Variants in KCNH1 observed in about 807,000 individuals in gnomAD.
The protein encoded by KCNH1 is potassium voltage-gated channel subfamily H member 1, also known as voltage-gated delayed rectifier potassium channel KCNH1.
KCNH1 carries 27 observed loss-of-function variants against 69.2 expected under a neutral mutation model. The ratio of observed to expected loss-of-function variants is 0.39; its 90% CI spans 0.29 to 0.54. The LOEUF is 0.54. Ranked by LOEUF, KCNH1 falls within the 20% of genes least tolerant of loss-of-function variation. The pLI, the probability that KCNH1 is intolerant of heterozygous loss-of-function variation, is 0.68. For missense variants in KCNH1, 798 were observed against 1,261.6 expected (o/e 0.63, Z 5.57); for synonymous variants, 456 against 487.7 (o/e 0.93, Z 0.86).
At chr1:210,876,499 C>G (rs1686377255) in intron 7 of KCNH1, among the ~76,000 whole-genome samples, 1 of 152,130 alleles carries the variant, frequency 6.6e-6, no homozygotes, top group Non-Finnish European at 1.5e-5. Context: ...CATAATGGGA[C>G]AGGTTATGAC....
intron 5 of KCNH1, among the ~76,000 whole-genome samples, chr1:211,078,902 A>G (rs758164014): frequency 1.3e-4 from 17 of 135,110 alleles, no homozygotes; most frequent in Admixed American, 2.5e-4. Flanking sequence ...TGGGTGACAG[A>G]GCGAGACTCC....
At chr1:211,036,894 G>A (rs779857295) in intron 5 of KCNH1, among the ~76,000 whole-genome samples, 9 of 152,074 alleles carry the variant, frequency 5.9e-5, no homozygotes, top group Non-Finnish European at 1.3e-4. Flanking sequence ...CTAGGATAAT[G>A]TCACTAGTCC....
rs866089802 is a variant in KCNH1 at position 210,854,617 on chromosome 1, C to G, written c.1463-50451G>C. On this transcript the variant is annotated intron_variant, in intron 7 of 10. Transcript: ENST00000271751. ...TCCACAAGTTACAACCAGTAATAAG[C>G]AGGGGCATCATCCACCTAGGGCTGG... 2.6e-5 allele frequency among the ~76,000 whole-genome samples: 4 copies of G among 152,270 alleles called. No homozygotes were observed. The East Asian group carries it at 7.7e-4, about 29-fold the overall frequency.
intron 10 of KCNH1, among the ~76,000 whole-genome samples, chr1:210,695,867 C>T (rs1462892333): frequency 6.6e-6 from 1 of 152,230 alleles, no homozygotes. Flanking sequence ...ACTGGCCAGT[C>T]AGTTACCCAG....
intron 10 of KCNH1, among the ~76,000 whole-genome samples, chr1:210,758,065 A>C (rs1384408599): frequency 6.6e-6 from 1 of 152,240 alleles, no homozygotes; most frequent in African/African-American, 2.4e-5. Context: ...AAGCAAGAGC[A>C]TGGTCTTGAG....
At position 210,905,897 on chromosome 1, in the gene KCNH1, A is replaced by G. The variant is rs115889888; in HGVS notation, c.1462+13743T>C. On this transcript the variant is annotated intron_variant, in intron 7 of 10. Transcript: ENST00000271751. ...TAAAACACTGTTTGCTCAAAGCAGTATAACAATATAGAGAACTAGAATTAT... is the reference window on the plus strand; with the variant it reads ...TAAAACACTGTTTGCTCAAAGCAGTGTAACAATATAGAGAACTAGAATTAT... Among the ~76,000 whole-genome samples, 479 of 152,372 alleles carry G rather than the reference A, an allele frequency of 3.1e-3. 7 individuals carry two copies. The highest frequency in any genetic ancestry group is 0.011 in the African/African-American group (459 of 41,592).
intron 6 of KCNH1, among the ~76,000 whole-genome samples, chr1:210,977,086 C>A (rs1227025802): frequency 6.6e-6 from 1 of 152,092 alleles, no homozygotes; most frequent in Non-Finnish European, 1.5e-5. Flanking sequence ...ACTGGTGGCA[C>A]ATATACACCA....
At chr1:210,725,913 C>T (rs1198735255) in intron 10 of KCNH1, among the ~76,000 whole-genome samples, 1 of 152,144 alleles carries the variant, frequency 6.6e-6, no homozygotes, top group Non-Finnish European at 1.5e-5. Flanking sequence ...TCTGCAAAGA[C>T]TTCCCTACCT....
intron 6 of KCNH1, among the ~76,000 whole-genome samples, chr1:210,953,728 T>A (rs898156408): frequency 1.8e-4 from 27 of 152,178 alleles, no homozygotes; most frequent in African/African-American, 6.5e-4. Context: ...ACGAGTAAAA[T>A]TCACACCCCC....
chr1:210,812,169 C>T (rs987925476), intron 7 of KCNH1, among the ~76,000 whole-genome samples: 5 of 152,188 alleles, frequency 3.3e-5, no homozygotes, highest in Non-Finnish European at 5.9e-5. Context: ...TTGACTTGCT[C>T]TTCACAGCCA....
chr1:210,970,815 T>A (rs978905734), intron 6 of KCNH1, among the ~76,000 whole-genome samples: 2 of 152,120 alleles, frequency 1.3e-5, no homozygotes, highest in African/African-American at 4.8e-5. Context: ...AAAGAGCTCC[T>A]GCACAGCAAA....
At chr1:210,848,205 G>A (rs1231133323) in intron 7 of KCNH1, among the ~76,000 whole-genome samples, 1 of 152,144 alleles carries the variant, frequency 6.6e-6, no homozygotes, top group East Asian at 1.9e-4. Context: ...TTCAATAAAT[G>A]TTGTCTGAAT....
intron 5 of KCNH1, chr1:211,063,840 AT>A (rs987008916): frequency 6.6e-6 from 1 of 152,148 alleles, no homozygotes; most frequent in African/African-American, 2.4e-5. Context: ...GAAAAATAGA[AT>A]TTTTTAACAC....
chr1:210,810,951 T>C (rs1055367145), intron 7 of KCNH1, among the ~76,000 whole-genome samples: 2 of 152,182 alleles, frequency 1.3e-5, no homozygotes, highest in South Asian at 4.1e-4. Flanking sequence ...TAGACTGACC[T>C]GGCTAGAGTT....
intron 10 of KCNH1, among the ~76,000 whole-genome samples, chr1:210,758,485 C>T (rs1468216162): frequency 3.9e-5 from 6 of 152,224 alleles, no homozygotes; most frequent in African/African-American, 1.4e-4. Flanking sequence ...CTCCCTTGGT[C>T]AGCTGGGGGA....
chr1:210,837,862 G>A (rs1320539265), intron 7 of KCNH1, among the ~76,000 whole-genome samples: 1 of 152,162 alleles, frequency 6.6e-6, no homozygotes, highest in Non-Finnish European at 1.5e-5. Context: ...AAAAGTGTCT[G>A]CCACACTGCA....
chr1:211,126,352 T>C (rs1691776108), intron 1 of KCNH1, among the ~76,000 whole-genome samples: 1 of 151,840 alleles, frequency 6.6e-6, no homozygotes, highest in Non-Finnish European at 1.5e-5. Flanking sequence ...CTACTAAAAA[T>C]ACAAAAAATT....
At chr1:210,882,043 T>C (rs975286655) in intron 7 of KCNH1, among the ~76,000 whole-genome samples, 2 of 152,194 alleles carry the variant, frequency 1.3e-5, no homozygotes, top group African/African-American at 2.4e-5. Flanking sequence ...GTGACAATGA[T>C]GTGTCAATGT....
intron 10 of KCNH1, among the ~76,000 whole-genome samples, chr1:210,705,061 C>T (rs926615134): frequency 2.6e-5 from 4 of 152,180 alleles, no homozygotes; most frequent in Non-Finnish European, 2.9e-5. Flanking sequence ...GGAGGTGGGG[C>T]GGCCCCTGCG....
Sources: gnomAD v4.1 joint callset for allele counts (sites outside exome capture counted in the v4.1 genomes callset) on GRCh38, gnomAD v4.1.1 for gene constraint, MANE v1.5 for transcripts, NCBI Gene and HGNC (gene_info 2026-07-23, HGNC 2026-07-21) for gene names.